LTBP1: variants seen among roughly 807,000 people sequenced by gnomAD.
The protein encoded by LTBP1 is latent-transforming growth factor beta-binding protein 1.
A neutral mutation model predicts 207.6 loss-of-function variants in LTBP1; 129 were observed. The ratio of observed to expected loss-of-function variants is 0.62; its 90% CI spans 0.54 to 0.72. The LOEUF is 0.72. Ranked by LOEUF, LTBP1 falls within the 30% of genes least tolerant of loss-of-function variation. The pLI, the probability that LTBP1 is intolerant of heterozygous loss-of-function variation, is 0.00. For missense variants in LTBP1, 2,281 were observed against 2,217.2 expected, an observed-to-expected ratio of 1.03 and a Z score of -0.58; for synonymous variants, 963 against 833.7, an observed-to-expected ratio of 1.16 and a Z score of -2.67.
chr2:33,251,767 T>C (rs923605529), intron 10 of LTBP1, among the ~76,000 whole-genome samples: 3 of 150,350 alleles, frequency 2.0e-5, no homozygotes, highest in Non-Finnish European at 4.4e-5. Flanking sequence ...AGAGCTTTGG[T>C]TGGGTTTGGG....
chr2:33,385,095 G>C (rs2095254555), intron 31 of LTBP1, among the ~76,000 whole-genome samples: 1 of 152,120 alleles, frequency 6.6e-6, no homozygotes, highest in African/African-American at 2.4e-5. Flanking sequence ...TTTGAGTTCT[G>C]ATGATCTAAT....
intron 19 of LTBP1, among the ~76,000 whole-genome samples, chr2:33,280,619 G>A (rs929626164): frequency 2.0e-5 from 3 of 152,216 alleles, no homozygotes; most frequent in African/African-American, 7.2e-5. Context: ...CCGTGCTGTA[G>A]TTAGCTCTGC....
chr2:33,222,239 G>T (rs375792598), intron 9 of LTBP1, 88 bp downstream of exon 9: 4 of 912,120 alleles, frequency 4.4e-6, no homozygotes, highest in Non-Finnish European at 7.3e-6. Flanking sequence ...TTGCTCATTC[G>T]CCCAGCCTGT....
At chr2:33,141,199 C>T (rs1379840193) in intron 5 of LTBP1, among the ~76,000 whole-genome samples, 1 of 152,110 alleles carries the variant, frequency 6.6e-6, no homozygotes, top group Non-Finnish European at 1.5e-5. Context: ...CACAAAAAAC[C>T]AAATACAGTA....
chr2:33,174,630 T>A (rs1382882945), intron 5 of LTBP1, among the ~76,000 whole-genome samples: 29 of 152,240 alleles, frequency 1.9e-4, no homozygotes, highest in African/African-American at 6.7e-4. Flanking sequence ...TACCAATGAC[T>A]TTCTTCACAG....
At chr2:33,196,198 A>T (rs1241927802) in intron 7 of LTBP1, among the ~76,000 whole-genome samples, 3 of 152,174 alleles carry the variant, frequency 2.0e-5, no homozygotes, top group African/African-American at 7.2e-5. Flanking sequence ...CCGTAGTTTC[A>T]GAGGTATTTT....
chr2:33,032,345 G>A (rs2075729290), intron 3 of LTBP1, among the ~76,000 whole-genome samples: 1 of 152,114 alleles, frequency 6.6e-6, no homozygotes, highest in African/African-American at 2.4e-5. Context: ...TGTTTCAAAT[G>A]TTCAAGAGTT....
intron 2 of LTBP1, among the ~76,000 whole-genome samples, chr2:32,969,229 TTGTGTGTGTG>T (rs201873946): frequency 5.6e-4 from 74 of 131,710 alleles, no homozygotes; most frequent in African/African-American, 1.8e-3. Context: ...CCTGGCCAAT[TTGTGTGTGTG>T]TGTGTGTGTG....
In LTBP1 at chr2:33,397,126, T is replaced by A; in HGVS notation, c.4835-7T>A. ...CTCTAACTTAGCTTCTGCCCTTTCC[T>A]TTCCAGGTTTTCTAAATAGCTTTGA... On this transcript the variant is annotated splice_polypyrimidine_tract_variant and splice_region_variant and intron_variant, in intron 32 of 33. Coordinates refer to ENST00000404816, the MANE Select transcript of LTBP1 (RefSeq NM_206943.4). 6.2e-7 allele frequency: 1 copy of A among 1,613,166 alleles called. No homozygotes were observed. Among genetic ancestry groups the A allele is most frequent in the Non-Finnish European group, 8.5e-7 (1 of 1,179,360 alleles).
chr2:33,185,662 A>G (rs899453083), intron 5 of LTBP1, among the ~76,000 whole-genome samples: 3 of 152,204 alleles, frequency 2.0e-5, no homozygotes, highest in Non-Finnish European at 4.4e-5. Flanking sequence ...GTGAGGTGTC[A>G]TGGAAACCAA....
intron 26 of LTBP1, among the ~76,000 whole-genome samples, chr2:33,356,591 A>G (rs967559570): frequency 6.6e-6 from 1 of 152,232 alleles, no homozygotes; most frequent in South Asian, 2.1e-4. Context: ...AGGCAGGAGA[A>G]TGGTGTGAAC....
At chr2:33,232,105 G>A (rs373280207) in intron 9 of LTBP1, among the ~76,000 whole-genome samples, 14 of 152,114 alleles carry the variant, frequency 9.2e-5, no homozygotes, top group African/African-American at 3.4e-4. Context: ...CACATGAGGG[G>A]TAAGGGGGGA....
chr2:32,989,063 G>A (rs1178809222), intron 2 of LTBP1, among the ~76,000 whole-genome samples: 7 of 152,112 alleles, frequency 4.6e-5, no homozygotes, highest in Admixed American at 4.6e-4. Context: ...GTGGTGTTTG[G>A]CCTTGAAATG....
chr2:33,379,264 C>T (rs1300582617), intron 31 of LTBP1, among the ~76,000 whole-genome samples: 1 of 141,412 alleles, frequency 7.1e-6, no homozygotes, highest in East Asian at 2.1e-4. Flanking sequence ...GGCTGGAGTG[C>T]AGTGGTGCAA....
chr2:32,952,938 A>T (rs1199356945), intron 2 of LTBP1, among the ~76,000 whole-genome samples: 1 of 152,130 alleles, frequency 6.6e-6, no homozygotes, highest in Non-Finnish European at 1.5e-5. Flanking sequence ...TGGTTCTTTC[A>T]TTTACTGTTT....
At chr2:33,301,279 C>T (rs2093984753) in intron 21 of LTBP1, among the ~76,000 whole-genome samples, 1 of 152,148 alleles carries the variant, frequency 6.6e-6, no homozygotes, top group Non-Finnish European at 1.5e-5. Context: ...TATTTAAGAA[C>T]AGAATCCACA....
chr2:33,380,265 G>A (rs2095196668), intron 31 of LTBP1, among the ~76,000 whole-genome samples: 1 of 151,942 alleles, frequency 6.6e-6, no homozygotes, highest in Admixed American at 6.6e-5. Context: ...CAAGAGTTTT[G>A]CAGCCCATGA....
intron 5 of LTBP1, among the ~76,000 whole-genome samples, chr2:33,163,178 C>T (rs958228926): frequency 2.0e-5 from 3 of 152,162 alleles, no homozygotes; most frequent in Non-Finnish European, 4.4e-5. Flanking sequence ...AGGGTTTTGC[C>T]ATGTTGCCTA....
At chr2:33,321,518 T>A (rs906204345) in intron 24 of LTBP1, among the ~76,000 whole-genome samples, 2 of 152,176 alleles carry the variant, frequency 1.3e-5, no homozygotes, top group African/African-American at 4.8e-5. Context: ...GGGGTTTGTT[T>A]TCACACTTCT....
Sources: gnomAD v4.1 joint callset for allele counts (sites outside exome capture counted in the v4.1 genomes callset) on GRCh38, gnomAD v4.1.1 for gene constraint, MANE v1.5 for transcripts, NCBI Gene and HGNC (gene_info 2026-07-23, HGNC 2026-07-21) for gene names.